Variants in SMARCB1 observed in about 807,000 individuals in gnomAD.
SMARCB1 encodes the protein SWI/SNF-related matrix-associated actin-dependent regulator of chromatin subfamily B member 1.
SMARCB1 carries 5 observed loss-of-function variants against 49.0 expected under a neutral mutation model. That is an observed-to-expected ratio of 0.10 (90% CI 0.05 to 0.21). The LOEUF (loss-of-function observed/expected upper bound fraction) is 0.21, where lower values mean the gene tolerates loss of function less well. Among genes scored for constraint, SMARCB1 ranks in the 10% least tolerant of loss-of-function variants. SMARCB1 has a pLI of 1.00. For missense variants in SMARCB1, 226 were observed against 509.2 expected (o/e 0.44, Z 5.35); for synonymous variants, 201 against 200.1 (o/e 1.00, Z -0.04).
chr22:23,810,124 A>G (rs1929772734), intron 5 of SMARCB1, among the ~76,000 whole-genome samples: 1 of 151,216 alleles, frequency 6.6e-6, no homozygotes, highest in African/African-American at 2.4e-5. Flanking sequence ...GTGAGCAGAG[A>G]TTGCGCCATT....
chr22:23,807,811 T>TA (rs1395455113), intron 5 of SMARCB1, among the ~76,000 whole-genome samples: 1 of 150,202 alleles, frequency 6.7e-6, no homozygotes, highest in Non-Finnish European at 1.5e-5. Context: ...TTTTTTTTTT[T>TA]TGAGATGGAG....
intron 7 of SMARCB1, chr22:23,826,357 G>C (rs2330624): frequency 0.93 from 140,370 of 150,436 alleles, 65,680 homozygotes; most frequent in African/African-American, 0.98. Context: ...CTCAAGAGGT[G>C]GAGGCTGCAG....
intron 5 of SMARCB1, among the ~76,000 whole-genome samples, chr22:23,806,794 C>A (rs1197837621): frequency 6.6e-6 from 1 of 151,934 alleles, no homozygotes; most frequent in East Asian, 1.9e-4. Flanking sequence ...TGGTGGCACA[C>A]CTGTGGTCCC....
Position 23,797,510 on chromosome 22 carries a change from T to C in SMARCB1, c.363-3434T>C, listed in dbSNP as rs565871503. Among the ~76,000 whole-genome samples, 3 of 143,196 alleles carry C rather than the reference T, an allele frequency of 2.1e-5. No individual in the cohort carries two copies. In the Admixed American group the frequency reaches 2.1e-4, roughly 10 times the overall value. 93.9% of individuals were successfully genotyped at this position (143,196 alleles called of 152,430 possible). On this transcript the variant is annotated intron_variant, in intron 3 of 8. Transcript: ENST00000644036. ...TATTTTTAGTAGAGATGGAGTTTTA[T>C]TGTGTTAGCCAGGATGGTCTCGATT...
intron 6 of SMARCB1, chr22:23,824,450 G>A (rs771357489): frequency 3.3e-5 from 5 of 152,842 alleles, no homozygotes; most frequent in Non-Finnish European, 7.3e-5. Context: ...CCTGGACCCC[G>A]AAGTGTCCAT....
In SMARCB1 at chr22:23,834,918, C is replaced by T; in HGVS notation, c.*738C>T. ...CAGGCTACTGCCAGCTGGGGCCTTGCTGCTCTGAAGTCCCCTGCGGAGGGC... is the reference window on the plus strand; with the variant it reads ...CAGGCTACTGCCAGCTGGGGCCTTGTTGCTCTGAAGTCCCCTGCGGAGGGC... On this transcript the variant is annotated 3_prime_UTR_variant, in exon 9 of 9. Coordinates refer to ENST00000644036, the MANE Select transcript of SMARCB1 (RefSeq NM_003073.5). The T allele has an allele frequency of 6.2e-7, 1 of 1,610,448 alleles. No individual in the cohort carries two copies.
chr22:23,835,222 C>T lies in SMARCB1; in HGVS notation c.*1042C>T, dbSNP rs1303242245. The T allele has an allele frequency of 2.4e-6, 3 of 1,230,564 alleles. No homozygotes were observed. Among genetic ancestry groups the T allele is most frequent in the East Asian group, 7.0e-5 (2 of 28,536 alleles). 76.2% of individuals were successfully genotyped at this position (1,230,564 alleles called of 1,614,324 possible). Reference sequence around the variant, plus strand: ...CCAAGGAGTTCATGTCCCCTCTGTTCTCATCTGTAATAGGGAGGTGTCCCC... The same window carrying T: ...CCAAGGAGTTCATGTCCCCTCTGTTTTCATCTGTAATAGGGAGGTGTCCCC... On this transcript the variant is annotated 3_prime_UTR_variant, in exon 9 of 9. Transcript: ENST00000644036.
intron 6 of SMARCB1, 147 bp downstream of exon 6, chr22:23,817,083 C>T (rs1224492881): frequency 4.4e-6 from 3 of 682,166 alleles, no homozygotes; most frequent in East Asian, 5.4e-5. Context: ...GGCTTTGCTC[C>T]CTGCAATCCC....
At chr22:23,801,416 C>A in intron 4 of SMARCB1, 1 of 621,266 alleles carries the variant, frequency 1.6e-6, no homozygotes. Flanking sequence ...ATGCCATCCA[C>A]GTGACTCCCA....
intron 5 of SMARCB1, among the ~76,000 whole-genome samples, chr22:23,806,919 CAAAAAA>C (rs61000279): frequency 1.2e-5 from 1 of 86,866 alleles, no homozygotes. Flanking sequence ...GACTCTATCT[CAAAAAA>C]AAAAAAAAAA....
intron 5 of SMARCB1, among the ~76,000 whole-genome samples, chr22:23,808,018 C>T (rs1214818790): frequency 1.5e-5 from 2 of 130,622 alleles, no homozygotes; most frequent in Non-Finnish European, 1.6e-5. Flanking sequence ...TACAGTGGTG[C>T]GATCTCAGTT....
At position 23,835,047 on chromosome 22, in the gene SMARCB1, C is replaced by G; in HGVS notation, c.*867C>G. Reference sequence around the variant, plus strand: ...CCAGGTCAGCTGGGGCCCTTTCCCACCCCAGCAGGTGCTGTGGCCTGGGCC... The same window carrying G: ...CCAGGTCAGCTGGGGCCCTTTCCCAGCCCAGCAGGTGCTGTGGCCTGGGCC... On this transcript the variant is annotated 3_prime_UTR_variant, in exon 9 of 9. Coordinates refer to ENST00000644036, the MANE Select transcript of SMARCB1 (RefSeq NM_003073.5). The G allele has an allele frequency of 7.1e-7, 1 of 1,404,968 alleles. No individual in the cohort carries two copies. The highest frequency in any genetic ancestry group is 1.6e-5 in the South Asian group (1 of 63,786). The allele number at this position is 1,404,968 out of a possible 1,614,324, so 87.0% of individuals were successfully genotyped here.
chr22:23,825,094 A>G (rs998807264), intron 6 of SMARCB1, 131 bp from the exon 7 acceptor site: 3 of 746,432 alleles, frequency 4.0e-6, no homozygotes, highest in Non-Finnish European at 7.2e-6. Context: ...TGGAAGGACA[A>G]GGACCACCTG....
chr22:23,790,648 G>C (rs1928319145), intron 1 of SMARCB1, among the ~76,000 whole-genome samples: 2 of 152,052 alleles, frequency 1.3e-5, no homozygotes, highest in Admixed American at 1.3e-4. Context: ...TTTGAGACCA[G>C]CCTGGGCAAC....
chr22:23,828,331 G>T (rs549350510), intron 7 of SMARCB1, among the ~76,000 whole-genome samples: 149 of 151,176 alleles, frequency 9.9e-4, no homozygotes, highest in African/African-American at 3.5e-3. Context: ...GATTACAGGC[G>T]TGAGCCACCG....
rs139091501 is a variant in SMARCB1, at chr22:23,822,258, C to T, written c.796-2967C>T. Among the ~76,000 whole-genome samples, 902 of 152,306 alleles carry T rather than the reference C, an allele frequency of 5.9e-3. 8 individuals are homozygous for T. Among genetic ancestry groups the T allele is most frequent in the Middle Eastern group, 0.041 (12 of 294 alleles). On this transcript the variant is annotated intron_variant, in intron 6 of 8. Transcript: ENST00000644036. ...AGGGGTTGGGGGGCAGGGGAGGAAGCTGGGGACATGGTGCTGCTGCAGTTT... is the reference window on the plus strand; with the variant it reads ...AGGGGTTGGGGGGCAGGGGAGGAAGTTGGGGACATGGTGCTGCTGCAGTTT...
At chr22:23,811,447 C>G (rs138556670) in intron 5 of SMARCB1, among the ~76,000 whole-genome samples, 2,260 of 152,278 alleles carry the variant, frequency 0.015, 35 homozygotes, top group South Asian at 0.023. Context: ...ACATTCTTTT[C>G]AAGTGCCTGA....
In SMARCB1 at chr22:23,787,022, T is replaced by C. The variant is rs886057283; in HGVS notation, c.-148T>C. The C allele has an allele frequency of 5.9e-5, 31 of 523,220 alleles. No homozygotes were observed. Among genetic ancestry groups the C allele is most frequent in the Non-Finnish European group, 9.7e-5 (29 of 300,402 alleles). The allele number at this position is 523,220 out of a possible 1,614,324, so 32.4% of individuals were successfully genotyped here. On this transcript the variant is annotated 5_prime_UTR_variant, in exon 1 of 9. Coordinates refer to ENST00000644036, the MANE Select transcript of SMARCB1 (RefSeq NM_003073.5). The stretch of plus-strand genomic sequence containing the variant: ...CGTCGTCTGCGGCGGCGGCGGCGGC[T>C]GAGGAGCCCGGCTGAGGCGCCAGTA...
At chr22:23,801,337 C>T (rs546932927) in intron 4 of SMARCB1, 13 of 701,830 alleles carry the variant, frequency 1.9e-5, no homozygotes, top group South Asian at 1.0e-4. Flanking sequence ...TTACTCAGGG[C>T]GCGGTCCTTG....
Sources: gnomAD v4.1 joint callset for allele counts (sites outside exome capture counted in the v4.1 genomes callset) on GRCh38, gnomAD v4.1.1 for gene constraint, MANE v1.5 for transcripts, NCBI Gene and HGNC (gene_info 2026-07-23, HGNC 2026-07-21) for gene names.